Variants in STXBP6 observed in about 807,000 individuals in gnomAD.
The protein encoded by STXBP6 is syntaxin-binding protein 6.
STXBP6 carries 21 observed loss-of-function variants against 26.9 expected under a neutral mutation model. The ratio of observed to expected loss-of-function variants is 0.78; its 90% CI spans 0.55 to 1.12. The LOEUF (loss-of-function observed/expected upper bound fraction) is 1.12, where lower values mean the gene tolerates loss of function less well. STXBP6 is among the 50% of genes most tolerant of loss of function. STXBP6 has a pLI of 0.00. For synonymous variants in STXBP6, 97 were observed against 92.6 expected (o/e 1.05, Z -0.27); for missense variants, 232 against 257.9 (o/e 0.90, Z 0.69).
chr14:24,895,219 G>C (rs760513029), intron 2 of STXBP6, among the ~76,000 whole-genome samples: 5 of 152,146 alleles, frequency 3.3e-5, no homozygotes, highest in Non-Finnish European at 7.3e-5. Flanking sequence ...GAACACAAAA[G>C]TGTCCAGATT....
chr14:24,918,976 AG>A (rs998396902), intron 2 of STXBP6, among the ~76,000 whole-genome samples: 3 of 152,072 alleles, frequency 2.0e-5, no homozygotes, highest in African/African-American at 7.2e-5. Context: ...AAACGAAAGC[AG>A]GTGCTTTGAA....
chr14:24,912,579 G>A (rs1566469924), intron 2 of STXBP6, among the ~76,000 whole-genome samples: 1 of 151,950 alleles, frequency 6.6e-6, no homozygotes, highest in Non-Finnish European at 1.5e-5. Flanking sequence ...CTTACTTTAA[G>A]TGCATACTTA....
chr14:24,936,141 AG>A (rs1361919570), intron 2 of STXBP6, among the ~76,000 whole-genome samples: 1 of 152,178 alleles, frequency 6.6e-6, no homozygotes, highest in Non-Finnish European at 1.5e-5. Flanking sequence ...GTTAGATCAG[AG>A]TTAAACTTTA....
At chr14:25,017,412 T>C (rs2075172918) in intron 1 of STXBP6, among the ~76,000 whole-genome samples, 1 of 152,158 alleles carries the variant, frequency 6.6e-6, no homozygotes. Context: ...ATTCAGAATC[T>C]CCATGAGAGA....
intron 4 of STXBP6, chr14:24,819,517 T>G: frequency 1.9e-6 from 1 of 514,360 alleles, no homozygotes; most frequent in East Asian, 3.0e-5. Context: ...ATTTACAACT[T>G]GGCTTGCAAA....
intron 1 of STXBP6, among the ~76,000 whole-genome samples, chr14:24,999,331 A>T (rs1157112960): frequency 2.6e-5 from 4 of 152,202 alleles, no homozygotes; most frequent in Non-Finnish European, 2.9e-5. Flanking sequence ...GGAACACGAG[A>T]GCAATTGACA....
intron 2 of STXBP6, among the ~76,000 whole-genome samples, chr14:24,898,592 G>C (rs187872517): frequency 1.3e-5 from 2 of 152,034 alleles, no homozygotes; most frequent in Non-Finnish European, 2.9e-5. Flanking sequence ...CAGGAGAATC[G>C]CTTGAATCCA....
intron 1 of STXBP6, among the ~76,000 whole-genome samples, chr14:25,014,401 G>T (rs1672917424): frequency 6.6e-6 from 1 of 152,180 alleles, no homozygotes; most frequent in Admixed American, 6.5e-5. Context: ...GGAGGCACAG[G>T]TTGCAATGAG....
intron 4 of STXBP6, among the ~76,000 whole-genome samples, chr14:24,822,522 T>G (rs1278749033): frequency 2.0e-5 from 3 of 152,220 alleles, no homozygotes; most frequent in Non-Finnish European, 4.4e-5. Flanking sequence ...CAGGCACTAT[T>G]ATGTTGACAC....
intron 2 of STXBP6, among the ~76,000 whole-genome samples, chr14:24,948,874 G>T (rs1229403572): frequency 6.6e-6 from 1 of 152,140 alleles, no homozygotes; most frequent in Non-Finnish European, 1.5e-5. Flanking sequence ...TGAAGGAGAT[G>T]AATTTTTTCC....
At chr14:25,018,290 C>A (rs1404158694) in intron 1 of STXBP6, among the ~76,000 whole-genome samples, 1 of 152,116 alleles carries the variant, frequency 6.6e-6, no homozygotes, top group African/African-American at 2.4e-5. Flanking sequence ...TACCCCAGGC[C>A]TAGGCAGCAA....
chr14:24,918,504 C>T (rs2071859010), intron 2 of STXBP6, among the ~76,000 whole-genome samples: 1 of 95,470 alleles, frequency 1.0e-5, no homozygotes, highest in Non-Finnish European at 2.3e-5. Flanking sequence ...ACACACACAG[C>T]AGGCATGGAT....
At chr14:24,923,201 C>T (rs1338475323) in intron 2 of STXBP6, among the ~76,000 whole-genome samples, 1 of 152,062 alleles carries the variant, frequency 6.6e-6, no homozygotes, top group East Asian at 1.9e-4. Flanking sequence ...CAATCCTACA[C>T]AACATAACAA....
chr14:24,812,866 G>A (rs1294117315), intron 5 of STXBP6, 134 bp from the exon 6 acceptor site: 33 of 807,424 alleles, frequency 4.1e-5, no homozygotes, highest in South Asian at 3.7e-4. Flanking sequence ...GCAGATCACC[G>A]TTACTAATTA....
intron 1 of STXBP6, among the ~76,000 whole-genome samples, chr14:24,987,173 C>T (rs923335499): frequency 1.8e-4 from 28 of 152,322 alleles, no homozygotes; most frequent in African/African-American, 6.5e-4. Context: ...GACATTCAAA[C>T]AAATGTGATC....
chr14:24,859,811 T>G, intron 2 of STXBP6, among the ~76,000 whole-genome samples: 1 of 152,106 alleles, frequency 6.6e-6, no homozygotes. Flanking sequence ...CACAGAGGCA[T>G]TTAAAGGAAT....
intron 1 of STXBP6, among the ~76,000 whole-genome samples, chr14:24,976,758 A>G (rs1229107639): frequency 6.6e-6 from 1 of 151,858 alleles, no homozygotes; most frequent in East Asian, 1.9e-4. Flanking sequence ...ATTTGGGTAC[A>G]GGTGAAAAAG....
chr14:25,050,020 TCG>T lies in STXBP6; in HGVS notation c.-177_-176del. On this transcript the variant is annotated 5_prime_UTR_variant, in exon 1 of 6. Transcript: ENST00000323944. Reference sequence around the variant, plus strand: ...GGCCCGGGTGCTGGCTCGCCGCCGCTCGCGGCTCCCGCGCCGGCTCCTGCTGC... The same window carrying T: ...GGCCCGGGTGCTGGCTCGCCGCCGCTCGGCTCCCGCGCCGGCTCCTGCTGC... 5.8e-6 allele frequency: 2 copies of T among 344,002 alleles called. No homozygotes were observed. The highest frequency in any genetic ancestry group is 8.2e-6 in the Non-Finnish European group (2 of 244,056). 21.3% of individuals were successfully genotyped at this position (344,002 alleles called of 1,614,324 possible).
chr14:24,987,253 G>A (rs543641333), intron 1 of STXBP6, among the ~76,000 whole-genome samples: 1 of 138,716 alleles, frequency 7.2e-6, no homozygotes, highest in Non-Finnish European at 1.5e-5. Flanking sequence ...CCTGACAGAT[G>A]TTGGATGGTG....
Sources: gnomAD v4.1 joint callset for allele counts (sites outside exome capture counted in the v4.1 genomes callset) on GRCh38, gnomAD v4.1.1 for gene constraint, MANE v1.5 for transcripts, NCBI Gene and HGNC (gene_info 2026-07-23, HGNC 2026-07-21) for gene names.